Variants in PRKN observed in about 807,000 individuals in gnomAD.
PRKN encodes E3 ubiquitin-protein ligase parkin.
A neutral mutation model predicts 59.5 loss-of-function variants in PRKN; 56 were observed. The ratio of observed to expected loss-of-function variants is 0.94; its 90% CI spans 0.76 to 1.18. The LOEUF (loss-of-function observed/expected upper bound fraction) is 1.18. Ranked by LOEUF, PRKN falls within the 50% of genes most tolerant of loss-of-function variation. PRKN has a pLI of 0.00. For synonymous variants in PRKN, 250 were observed against 222.1 expected, an observed-to-expected ratio of 1.13 and a Z score of -1.12; for missense variants, 657 against 596.4, an observed-to-expected ratio of 1.10 and a Z score of -1.06.
chr6:161,526,437 C>T lies in PRKN; in HGVS notation c.1083+22417G>A, dbSNP rs1188508144. Among the ~76,000 whole-genome samples, 3 of 152,168 alleles carry T rather than the reference C, an allele frequency of 2.0e-5. No individual in the cohort carries two copies. The highest frequency in any genetic ancestry group is 2.1e-4 in the South Asian group (1 of 4,836). ...AAAAAGTTTCTCGAATGCACACAAACTAAAATATTAAGTGATATTTTCCTA... is the reference window on the plus strand; with the variant it reads ...AAAAAGTTTCTCGAATGCACACAAATTAAAATATTAAGTGATATTTTCCTA... On this transcript the variant is annotated intron_variant, in intron 9 of 11. Coordinates refer to ENST00000366898, the MANE Select transcript of PRKN (RefSeq NM_004562.3). The surrounding 1 kb of genome is among the most constrained non-coding windows in gnomAD (Gnocchi z 4.1).
intron 7 of PRKN, among the ~76,000 whole-genome samples, chr6:161,692,323 C>T (rs1785830351): frequency 6.6e-6 from 1 of 151,982 alleles, no homozygotes; most frequent in African/African-American, 2.4e-5. Flanking sequence ...TTTAAAGAAA[C>T]ACTCAAAAAA....
intron 2 of PRKN, among the ~76,000 whole-genome samples, chr6:162,403,520 T>C (rs1405955369): frequency 6.6e-6 from 1 of 152,160 alleles, no homozygotes; most frequent in Admixed American, 6.5e-5. Context: ...TTGTCTGTCG[T>C]CAGCCTTTTC....
At position 161,379,006 on chromosome 6, in the gene PRKN, CT is replaced by C. The variant is rs1033916185; in HGVS notation, c.1167+7787del. Among the ~76,000 whole-genome samples the C allele has an allele frequency of 6.6e-6, 1 of 152,118 alleles. No individual in the cohort carries two copies. The highest frequency in any genetic ancestry group is 2.4e-5 in the African/African-American group (1 of 41,414). On this transcript the variant is annotated intron_variant, in intron 10 of 11. Coordinates refer to ENST00000366898, the MANE Select transcript of PRKN (RefSeq NM_004562.3). The surrounding 1 kb of genome is among the most constrained non-coding windows in gnomAD (Gnocchi z 4.9). ...GAGAACACAGCAAGAGTTCTGGTCA[CT>C]TTATGTTGCATTGCCAAGGGATTAG...
At position 161,347,805 on chromosome 6, in the gene PRKN, A is replaced by T. The variant is rs1784393365; in HGVS notation, c.*2294T>A. The T allele has an allele frequency of 6.6e-6, 1 of 151,648 alleles. No homozygotes were observed. The highest frequency in any genetic ancestry group is 6.6e-5 in the Admixed American group (1 of 15,202). 9.4% of individuals were successfully genotyped at this position (151,648 alleles called of 1,614,324 possible). ...GCTAATTTTTGTATTTTTAATAGAG[A>T]CGGGGTTTCATCATCTTGGCCAGGC... On this transcript the variant is annotated 3_prime_UTR_variant, in exon 12 of 12. Transcript: ENST00000366898.
At chr6:161,684,892 T>A (rs895995473) in intron 7 of PRKN, among the ~76,000 whole-genome samples, 1 of 152,064 alleles carries the variant, frequency 6.6e-6, no homozygotes. Context: ...AGGCCATGCA[T>A]CTCTTACACC....
chr6:161,524,865 A>G (rs984636068), intron 9 of PRKN, among the ~76,000 whole-genome samples: 1 of 152,098 alleles, frequency 6.6e-6, no homozygotes, highest in African/African-American at 2.4e-5. Flanking sequence ...TTCCTTCCCA[A>G]TGAGTAGGTG....
At chr6:162,099,137 T>C (rs1163870922) in intron 4 of PRKN, among the ~76,000 whole-genome samples, 1 of 152,196 alleles carries the variant, frequency 6.6e-6, no homozygotes, top group Non-Finnish European at 1.5e-5. Context: ...CATTTCCAAC[T>C]TTAACACCGT....
chr6:161,661,217 G>T (rs1348303411), intron 7 of PRKN, among the ~76,000 whole-genome samples: 1 of 152,156 alleles, frequency 6.6e-6, no homozygotes, highest in African/African-American at 2.4e-5. Flanking sequence ...TTATCCTAAA[G>T]AAAAGTGGAG....
Position 162,020,036 on chromosome 6 carries a change from A to G in PRKN, c.618+34055T>C, listed in dbSNP as rs78638682. On this transcript the variant is annotated intron_variant, in intron 5 of 11. Coordinates refer to ENST00000366898, the MANE Select transcript of PRKN (RefSeq NM_004562.3). ...CTCCGTCTCAAAGGAAAAAAAAAAA[A>G]TATCACAAAGTGGTTTTGCTCAGCC... Among the ~76,000 whole-genome samples, 652 of 150,332 alleles carry G rather than the reference A, an allele frequency of 4.3e-3. 2 individuals carry two copies. Among genetic ancestry groups the G allele is most frequent in the Non-Finnish European group, 6.9e-3 (464 of 67,700 alleles).
chr6:162,060,713 C>A (rs1487418699), intron 4 of PRKN, among the ~76,000 whole-genome samples: 1 of 152,176 alleles, frequency 6.6e-6, no homozygotes, highest in Non-Finnish European at 1.5e-5. Flanking sequence ...ATGCTATAAT[C>A]TGCTCATCAT....
chr6:162,620,355 A>C (rs1340087167), intron 1 of PRKN, among the ~76,000 whole-genome samples: 1 of 151,784 alleles, frequency 6.6e-6, no homozygotes, highest in Admixed American at 6.6e-5. Context: ...TAATTACATT[A>C]TTTTTTTTCT....
At chr6:162,034,881 G>A (rs975978973) in intron 5 of PRKN, among the ~76,000 whole-genome samples, 12 of 152,178 alleles carry the variant, frequency 7.9e-5, no homozygotes, top group East Asian at 3.8e-4. Context: ...AATAACAGCC[G>A]AGAGCTTACA....
intron 7 of PRKN, among the ~76,000 whole-genome samples, chr6:161,614,922 C>G (rs1234119212): frequency 6.6e-6 from 1 of 151,382 alleles, no homozygotes; most frequent in Non-Finnish European, 1.5e-5. Context: ...CCCTTGGCAA[C>G]AACAGCAGTT....
intron 7 of PRKN, 122 bp from the exon 8 acceptor site, chr6:161,569,538 C>A: frequency 1.2e-6 from 1 of 823,422 alleles, no homozygotes; most frequent in East Asian, 2.6e-5. Flanking sequence ...AGACGTGTAC[C>A]TGAAAAACAC....
At chr6:161,631,003 C>A (rs79501988) in intron 7 of PRKN, among the ~76,000 whole-genome samples, 3,657 of 152,306 alleles carry the variant, frequency 0.024, 141 homozygotes, top group African/African-American at 0.084. Flanking sequence ...GCAGCACTAC[C>A]CCAGAAGGGT....
intron 1 of PRKN, among the ~76,000 whole-genome samples, chr6:162,454,672 C>G (rs905665371): frequency 6.6e-6 from 1 of 152,160 alleles, no homozygotes; most frequent in Non-Finnish European, 1.5e-5. Context: ...CCTCACACAC[C>G]GTTCCTTCAA....
At chr6:161,866,094 GA>G (rs1455096630) in intron 6 of PRKN, among the ~76,000 whole-genome samples, 2 of 152,136 alleles carry the variant, frequency 1.3e-5, no homozygotes, top group Non-Finnish European at 2.9e-5. Flanking sequence ...CAAGGGTGGG[GA>G]GAGAGATGTG....
At chr6:161,977,719 T>A (rs1224480410) in intron 5 of PRKN, among the ~76,000 whole-genome samples, 1 of 151,814 alleles carries the variant, frequency 6.6e-6, no homozygotes, top group Non-Finnish European at 1.5e-5. Context: ...GGCTACTTTT[T>A]TGTATTTTTA....
intron 1 of PRKN, among the ~76,000 whole-genome samples, chr6:162,607,229 A>G (rs1781957582): frequency 6.6e-6 from 1 of 152,206 alleles, no homozygotes; most frequent in Admixed American, 6.5e-5. Context: ...TGCCATGGAC[A>G]TAAATGACAT....
Sources: gnomAD v4.1 joint callset for allele counts (sites outside exome capture counted in the v4.1 genomes callset) on GRCh38, gnomAD v4.1.1 for gene constraint, Gnocchi (gnomAD v3.1) non-coding constraint, MANE v1.5 for transcripts, NCBI Gene and HGNC (gene_info 2026-07-23, HGNC 2026-07-21) for gene names.